The following NIBAN1 variants were observed in gnomAD, a reference collection of about 807,000 sequenced individuals.
NIBAN1 encodes niban apoptosis regulator 1, also known as protein Niban 1.
NIBAN1 carries 81 observed loss-of-function variants against 75.1 expected under a neutral mutation model. The observed-to-expected ratio is 1.08, with a 90% CI of 0.90 to 1.30. NIBAN1 has a LOEUF of 1.30. NIBAN1 is among the 50% of genes most tolerant of loss of function. The pLI, the probability that NIBAN1 is intolerant of heterozygous loss-of-function variation, is 0.00. For missense variants in NIBAN1, 1,133 were observed against 1,128.1 expected (o/e 1.00, Z -0.06); for synonymous variants, 436 against 424.8 (o/e 1.03, Z -0.32).
At chr1:184,934,383 G>A (rs896826872) in intron 1 of NIBAN1, among the ~76,000 whole-genome samples, 1 of 152,148 alleles carries the variant, frequency 6.6e-6, no homozygotes, top group Non-Finnish European at 1.5e-5. Flanking sequence ...TACTCTCTGG[G>A]TGATGGGATC....
At chr1:184,864,609 C>T (rs1655900106) in intron 5 of NIBAN1, among the ~76,000 whole-genome samples, 1 of 151,762 alleles carries the variant, frequency 6.6e-6, no homozygotes, top group South Asian at 2.1e-4. Flanking sequence ...GTAAGTGTTA[C>T]AGTCACCAAG....
chr1:184,938,555 A>G (rs1658016790), intron 1 of NIBAN1, among the ~76,000 whole-genome samples: 1 of 151,766 alleles, frequency 6.6e-6, no homozygotes, highest in Admixed American at 6.6e-5. Flanking sequence ...TGAATTGAAA[A>G]AAGCAAACTG....
At chr1:184,903,765 T>G (rs1179662393) in intron 1 of NIBAN1, among the ~76,000 whole-genome samples, 1 of 141,236 alleles carries the variant, frequency 7.1e-6, no homozygotes, top group African/African-American at 2.7e-5. Context: ...TGAGATAGTC[T>G]CAATCTGTCA....
intron 9 of NIBAN1, among the ~76,000 whole-genome samples, chr1:184,812,271 T>G (rs909117863): frequency 2.6e-5 from 4 of 152,240 alleles, no homozygotes; most frequent in Non-Finnish European, 5.9e-5. Flanking sequence ...AGGGCAAATT[T>G]AAGCTTTGCC....
chr1:184,907,930 T>C (rs1288408065), intron 1 of NIBAN1, among the ~76,000 whole-genome samples: 1 of 152,208 alleles, frequency 6.6e-6, no homozygotes, highest in East Asian at 1.9e-4. Flanking sequence ...TTCTCTGTGA[T>C]TTACTTTGGA....
intron 5 of NIBAN1, among the ~76,000 whole-genome samples, chr1:184,871,356 A>C (rs1656102746): frequency 8.0e-6 from 1 of 124,838 alleles, no homozygotes; most frequent in African/African-American, 4.9e-5. Flanking sequence ...TCAAAAAAAA[A>C]AAAAAAAAAA....
At position 184,965,605 on chromosome 1, in the gene NIBAN1, T is replaced by C. The variant is rs774880096; in HGVS notation, c.55+8697A>G. Among the ~76,000 whole-genome samples the C allele has an allele frequency of 2.1e-4, 32 of 152,076 alleles. 1 individual carries two copies. Among genetic ancestry groups the C allele is most frequent in the Non-Finnish European group, 4.0e-4 (27 of 68,024 alleles). On this transcript the variant is annotated intron_variant, in intron 1 of 13. Transcript: ENST00000367511. ...GCGCTAAATGATAGGTAAGTACACA[T>C]GGACACATAGAAGGGAACAATAGAC...
At chr1:184,807,925 G>A in intron 10 of NIBAN1, 149 bp downstream of exon 10, 4 of 797,038 alleles carry the variant, frequency 5.0e-6, no homozygotes, top group Non-Finnish European at 8.5e-6. Context: ...AGCCAGTGGA[G>A]GGACAGAACG....
At chr1:184,834,193 C>CT (rs1229190104) in intron 5 of NIBAN1, among the ~76,000 whole-genome samples, 1 of 152,130 alleles carries the variant, frequency 6.6e-6, no homozygotes, top group African/African-American at 2.4e-5. Flanking sequence ...TGAACTCATC[C>CT]TTTTTTATGG....
At chr1:184,913,977 T>G (rs556894416) in intron 1 of NIBAN1, among the ~76,000 whole-genome samples, 1 of 152,164 alleles carries the variant, frequency 6.6e-6, no homozygotes, top group Non-Finnish European at 1.5e-5. Flanking sequence ...ACTAAGCCAT[T>G]CTCAGAGGCC....
At position 184,914,268 on chromosome 1, in the gene NIBAN1, A is replaced by G. The variant is rs927113840; in HGVS notation, c.56-14959T>C. On this transcript the variant is annotated intron_variant, in intron 1 of 13. Transcript: ENST00000367511. ...CTAGAAAACATTTTGCAGATGTGGA[A>G]GCCATCTGCTCATCTGCTTTCCTTG... Among the ~76,000 whole-genome samples, 11 of 152,358 alleles carry G rather than the reference A, an allele frequency of 7.2e-5. No individual in the cohort carries two copies. The East Asian group carries it at 2.1e-3, about 29-fold the overall frequency.
intron 9 of NIBAN1, among the ~76,000 whole-genome samples, chr1:184,812,210 A>G (rs1654401847): frequency 6.6e-6 from 1 of 152,136 alleles, no homozygotes; most frequent in Non-Finnish European, 1.5e-5. Flanking sequence ...CAGAGACCAC[A>G]AGTTGAAACT....
At chr1:184,858,512 C>G (rs1222679347) in intron 5 of NIBAN1, among the ~76,000 whole-genome samples, 3 of 152,112 alleles carry the variant, frequency 2.0e-5, no homozygotes, top group African/African-American at 7.2e-5. Context: ...CACTTCTTAT[C>G]CATCAGCTTG....
intron 5 of NIBAN1, among the ~76,000 whole-genome samples, chr1:184,877,525 A>C (rs1656264262): frequency 6.6e-6 from 1 of 152,202 alleles, no homozygotes. Flanking sequence ...AGCTCCAAGC[A>C]TGATTCCCTC....
At chr1:184,865,194 G>A (rs1292023478) in intron 5 of NIBAN1, among the ~76,000 whole-genome samples, 1 of 152,122 alleles carries the variant, frequency 6.6e-6, no homozygotes, top group East Asian at 1.9e-4. Context: ...GTGGAAAGCA[G>A]TCTGGAATCA....
intron 11 of NIBAN1, among the ~76,000 whole-genome samples, chr1:184,804,018 G>A (rs562120615): frequency 2.9e-4 from 44 of 152,326 alleles, no homozygotes; most frequent in African/African-American, 9.9e-4. Flanking sequence ...TCCCAGGTAG[G>A]TCCATGGAAA....
At position 184,894,098 on chromosome 1, in the gene NIBAN1, C is replaced by T. The variant is rs879192229; in HGVS notation, c.295G>A (p.Val99Met). 8.7e-6 allele frequency: 14 copies of T among 1,610,342 alleles called. No homozygotes were observed. In the Admixed American group the frequency reaches 1.9e-4, roughly 21 times the overall value. Residue 99 changes from valine (V) to methionine (M), a missense_variant, in exon 3 of 14, where the codon GTG (valine) becomes ATG (methionine). Coordinates refer to ENST00000367511, the MANE Select transcript of NIBAN1 (RefSeq NM_052966.4). The stretch of plus-strand genomic sequence containing the variant: ...ACCTCTTTATTCTCATAGCTCTCCA[C>T]AGCATAATCATTTTTAACTACAACG... ...RYVVVKNDYA[V>M]ESYENKEAYQ...
At chr1:184,803,744 A>T (rs1410791876) in intron 11 of NIBAN1, 52 bp from the exon 12 acceptor site, 1 of 1,544,174 alleles carries the variant, frequency 6.5e-7, no homozygotes, top group Non-Finnish European at 8.9e-7. Flanking sequence ...CTGTTGACTT[A>T]TGTTTACTCA....
chr1:184,909,781 T>G (rs1443264827), intron 1 of NIBAN1, among the ~76,000 whole-genome samples: 1 of 152,150 alleles, frequency 6.6e-6, no homozygotes, highest in South Asian at 2.1e-4. Context: ...CTCAAACATC[T>G]CCAATAATAA....
Sources: gnomAD v4.1 joint callset for allele counts (sites outside exome capture counted in the v4.1 genomes callset) on GRCh38, gnomAD v4.1.1 for gene constraint, MANE v1.5 for transcripts, NCBI Gene and HGNC (gene_info 2026-07-23, HGNC 2026-07-21) for gene names.